Variants in DOCK1 observed in about 807,000 individuals in gnomAD.
The protein encoded by DOCK1 is dedicator of cytokinesis 1, also known as dedicator of cytokinesis protein 1.
DOCK1 carries 138 observed loss-of-function variants against 262.7 expected under a neutral mutation model. That is an observed-to-expected ratio of 0.53 (90% confidence interval 0.46 to 0.61). DOCK1 has a LOEUF of 0.61. Among genes scored for constraint, DOCK1 ranks in the 20% least tolerant of loss-of-function variants. DOCK1 has a pLI of 0.00. For synonymous variants in DOCK1, 866 were observed against 867.4 expected (o/e 1.00, Z 0.03); for missense variants, 1,908 against 2,370.7 (o/e 0.80, Z 4.05).
intron 29 of DOCK1, among the ~76,000 whole-genome samples, chr10:127,273,777 G>T (rs927908840): frequency 3.9e-5 from 6 of 151,992 alleles, no homozygotes; most frequent in African/African-American, 1.5e-4. Context: ...AGCTACTTGG[G>T]AGGCTGAGAC....
intron 23 of DOCK1, among the ~76,000 whole-genome samples, chr10:127,082,158 C>T (rs1395571377): frequency 6.6e-6 from 1 of 152,190 alleles, no homozygotes; most frequent in Non-Finnish European, 1.5e-5. Flanking sequence ...AAGAGGTTTT[C>T]CTGGCAGGAA....
chr10:127,239,660 G>A (rs1242865356), intron 27 of DOCK1, among the ~76,000 whole-genome samples: 1 of 152,028 alleles, frequency 6.6e-6, no homozygotes, highest in Admixed American at 6.6e-5. Flanking sequence ...AATAATAAGA[G>A]TTTTTTTAAG....
chr10:127,003,930 G>A (rs985738190), intron 10 of DOCK1, among the ~76,000 whole-genome samples: 3 of 151,540 alleles, frequency 2.0e-5, no homozygotes, highest in African/African-American at 7.3e-5. Flanking sequence ...CTCCAGCTTG[G>A]GGAACAGGGA....
At chr10:127,231,121 A>C (rs1373018359) in intron 27 of DOCK1, among the ~76,000 whole-genome samples, 1 of 152,098 alleles carries the variant, frequency 6.6e-6, no homozygotes, top group Admixed American at 6.5e-5. Context: ...ACAACCAGAA[A>C]TTTTTGTTTT....
chr10:126,981,287 C>A (rs2038957087), intron 3 of DOCK1, among the ~76,000 whole-genome samples: 1 of 152,206 alleles, frequency 6.6e-6, no homozygotes, highest in Non-Finnish European at 1.5e-5. Context: ...CAGAATGTGC[C>A]TGAGGCTGAA....
chr10:127,188,828 C>A (rs1035201466), intron 27 of DOCK1, among the ~76,000 whole-genome samples: 4 of 152,224 alleles, frequency 2.6e-5, no homozygotes, highest in Non-Finnish European at 5.9e-5. Context: ...TCCAAACACC[C>A]TCTGAAGGAG....
chr10:126,951,597 GT>G (rs1472876464), intron 1 of DOCK1, among the ~76,000 whole-genome samples: 2 of 140,908 alleles, frequency 1.4e-5, no homozygotes, highest in African/African-American at 5.4e-5. Flanking sequence ...TGTTGGTAGT[GT>G]TTTTGGTAGT....
intron 27 of DOCK1, among the ~76,000 whole-genome samples, chr10:127,183,065 G>C (rs1167529): frequency 1 from 143,591 of 143,816 alleles, 71,683 homozygotes; most frequent in Middle Eastern, 1. Flanking sequence ...CCTGATTATG[G>C]TGAATCTTTT....
chr10:127,162,627 C>T (rs2053684489), intron 27 of DOCK1, among the ~76,000 whole-genome samples: 1 of 152,186 alleles, frequency 6.6e-6, no homozygotes, highest in Non-Finnish European at 1.5e-5. Context: ...CTGGAAGGAT[C>T]ACCTGTACAT....
chr10:127,294,371 G>T lies in DOCK1; in HGVS notation c.3044+36942G>T, dbSNP rs534571025. Among the ~76,000 whole-genome samples the T allele has an allele frequency of 2.0e-5, 3 of 152,204 alleles. No individual in the cohort carries two copies. The East Asian group carries it at 5.8e-4, about 29-fold the overall frequency. On this transcript the variant is annotated intron_variant, in intron 29 of 51. Transcript: ENST00000623213. ...ATTCTCACTCTTGTTGCCCAGCCTG[G>T]AGTGCAATGGTACCATCTTGGCTCA...
intron 22 of DOCK1, among the ~76,000 whole-genome samples, chr10:127,056,717 T>C (rs536625921): frequency 6.6e-6 from 1 of 152,296 alleles, no homozygotes; most frequent in Non-Finnish European, 1.5e-5. Context: ...ATTTTTTCTC[T>C]GAACGTTTCC....
chr10:127,304,858 G>C (rs1446764985), intron 29 of DOCK1, among the ~76,000 whole-genome samples: 1 of 151,950 alleles, frequency 6.6e-6, no homozygotes, highest in African/African-American at 2.4e-5. Flanking sequence ...CTCCAACCTG[G>C]GTGACAGAGT....
intron 32 of DOCK1, among the ~76,000 whole-genome samples, chr10:127,356,433 C>A (rs1483994547): frequency 6.6e-6 from 1 of 152,202 alleles, no homozygotes; most frequent in Non-Finnish European, 1.5e-5. Context: ...ATACGATGAT[C>A]TCAGTAATAA....
intron 1 of DOCK1, among the ~76,000 whole-genome samples, chr10:126,928,001 A>T (rs2033892269): frequency 1.3e-5 from 2 of 152,220 alleles, no homozygotes; most frequent in African/African-American, 4.8e-5. Context: ...AACGCCAGTG[A>T]GGGGTGTATT....
chr10:127,189,837 T>C lies in DOCK1; in HGVS notation c.2848-58171T>C, dbSNP rs1341753086. On this transcript the variant is annotated intron_variant, in intron 27 of 51. Transcript: ENST00000623213. ...TTACGCAAGGAAAAAAAGACAAAAA[T>C]AATCTTTATGCAGCGCTGTCATTGA... Among the ~76,000 whole-genome samples, 2 of 152,228 alleles carry C rather than the reference T, an allele frequency of 1.3e-5. 1 individual carries two copies. The highest frequency in any genetic ancestry group is 3.9e-4 in the East Asian group (2 of 5,178).
At chr10:127,125,742 C>A in intron 26 of DOCK1, 141 bp downstream of exon 26, 1 of 1,201,684 alleles carries the variant, frequency 8.3e-7, no homozygotes, top group Non-Finnish European at 1.1e-6. Flanking sequence ...GAGTTGCACC[C>A]TTAAATTATT....
At chr10:127,208,038 A>T (rs2134299615) in intron 27 of DOCK1, among the ~76,000 whole-genome samples, 1 of 152,326 alleles carries the variant, frequency 6.6e-6, no homozygotes, top group South Asian at 2.1e-4. Flanking sequence ...CGATTTGGGC[A>T]GAATTAGAGC....
At chr10:126,906,609 C>G (rs1161326899) in intron 1 of DOCK1, among the ~76,000 whole-genome samples, 2 of 152,178 alleles carry the variant, frequency 1.3e-5, no homozygotes, top group Non-Finnish European at 2.9e-5. Flanking sequence ...CTCCCACAGC[C>G]CAGGCTGTGT....
intron 27 of DOCK1, among the ~76,000 whole-genome samples, chr10:127,204,782 A>G (rs1350594370): frequency 2.6e-5 from 4 of 152,204 alleles, no homozygotes; most frequent in Non-Finnish European, 2.9e-5. Context: ...CCTAGGGTTG[A>G]GTAGGTAAGA....
Sources: gnomAD v4.1 joint callset for allele counts (sites outside exome capture counted in the v4.1 genomes callset) on GRCh38, gnomAD v4.1.1 for gene constraint, MANE v1.5 for transcripts, NCBI Gene and HGNC (gene_info 2026-07-23, HGNC 2026-07-21) for gene names.